Variants in CCDC30 observed in about 807,000 individuals in gnomAD.
The protein encoded by CCDC30 is coiled-coil domain containing 30.
In CCDC30, 70 loss-of-function variants were observed where a neutral mutation model predicts 100.2. The observed-to-expected ratio is 0.70, with a 90% CI of 0.58 to 0.85. The LOEUF is 0.85. CCDC30 is among the 40% of genes least tolerant of loss of function. The probability of loss-of-function intolerance (pLI) is 0.00; values close to 1 mark genes in which losing one functional copy is unlikely to be tolerated. For missense variants in CCDC30, 652 were observed against 771.2 expected, an observed-to-expected ratio of 0.85 and a Z score of 1.83; for synonymous variants, 233 against 269.5, an observed-to-expected ratio of 0.86 and a Z score of 1.33.
At chr1:42,634,757 T>A (rs1431760572) in intron 11 of CCDC30, among the ~76,000 whole-genome samples, 5 of 152,218 alleles carry the variant, frequency 3.3e-5, no homozygotes, top group Non-Finnish European at 5.9e-5. Context: ...TTCAATGGCT[T>A]TTGTCCATGT....
At chr1:42,599,198 TACAC>T (rs1051389369) in intron 10 of CCDC30, among the ~76,000 whole-genome samples, 1 of 152,158 alleles carries the variant, frequency 6.6e-6, no homozygotes, top group Non-Finnish European at 1.5e-5. Flanking sequence ...TAAATATATA[TACAC>T]ACACATACAT....
chr1:42,490,754 GC>G (rs1644125112), intron 4 of CCDC30, among the ~76,000 whole-genome samples: 1 of 152,108 alleles, frequency 6.6e-6, no homozygotes, highest in African/African-American at 2.4e-5. Flanking sequence ...CTGAGTCATG[GC>G]AGAGTTAAGA....
chr1:42,597,918 G>C (rs1646323835), intron 10 of CCDC30, among the ~76,000 whole-genome samples: 1 of 151,960 alleles, frequency 6.6e-6, no homozygotes, highest in African/African-American at 2.4e-5. Flanking sequence ...AGCACTTTGG[G>C]AGGCTGAGGC....
chr1:42,519,644 T>C (rs1429605670), intron 6 of CCDC30, among the ~76,000 whole-genome samples: 2 of 152,146 alleles, frequency 1.3e-5, no homozygotes, highest in East Asian at 1.9e-4. Context: ...CTCCACCTCC[T>C]GGGTTCAAGC....
chr1:42,556,952 A>T (rs943775864), intron 6 of CCDC30, among the ~76,000 whole-genome samples: 1 of 152,204 alleles, frequency 6.6e-6, no homozygotes, highest in Non-Finnish European at 1.5e-5. Flanking sequence ...TTATTATTTT[A>T]ATTATGGCTT....
chr1:42,539,306 C>A, intron 6 of CCDC30: 2 of 1,589,538 alleles, frequency 1.3e-6, no homozygotes, highest in Admixed American at 1.8e-5. Flanking sequence ...GAATTAGAAA[C>A]AAAGGTGAGA....
chr1:42,575,680 AT>A (rs1286236923), intron 7 of CCDC30, among the ~76,000 whole-genome samples: 2 of 150,370 alleles, frequency 1.3e-5, no homozygotes, highest in African/African-American at 4.9e-5. Context: ...ACAAAAAAAC[AT>A]AGTCTCTGCT....
intron 11 of CCDC30, among the ~76,000 whole-genome samples, chr1:42,611,367 T>C (rs1288502409): frequency 6.6e-6 from 1 of 152,188 alleles, no homozygotes; most frequent in Non-Finnish European, 1.5e-5. Context: ...CCTTCTCACT[T>C]GCCTTCACAC....
intron 6 of CCDC30, among the ~76,000 whole-genome samples, chr1:42,505,094 T>G (rs1359272251): frequency 1.3e-5 from 2 of 152,218 alleles, no homozygotes; most frequent in Admixed American, 6.5e-5. Flanking sequence ...TAGTAGAGTG[T>G]GTGTAGCGAT....
At chr1:42,461,338 CA>C (rs1180926359), upstream of CCDC30, among the ~76,000 whole-genome samples, 3 of 152,018 alleles carry the variant, frequency 2.0e-5, no homozygotes, top group African/African-American at 7.2e-5. Flanking sequence ...TCCCTTTGAA[CA>C]AAAAAATTTT....
At chr1:42,654,188 G>T (rs1432125967), downstream of CCDC30, 1 of 613,874 alleles carries the variant, frequency 1.6e-6, no homozygotes, top group Non-Finnish European at 2.9e-6. Flanking sequence ...TTGTAAAAAT[G>T]GATTTCTCAA....
chr1:42,610,937 T>C (rs1488400895), intron 10 of CCDC30, 41 bp from the exon 15 acceptor site: 5 of 1,060,350 alleles, frequency 4.7e-6, no homozygotes, highest in African/African-American at 1.6e-5. Flanking sequence ...CATCATACCT[T>C]TGTCAGGTCA....
At chr1:42,642,428 A>G (rs1647532368) in intron 12 of CCDC30, 45 bp from the exon 17 acceptor site, 4 of 1,409,522 alleles carry the variant, frequency 2.8e-6, no homozygotes, top group Non-Finnish European at 3.7e-6. Context: ...TAAATTTATC[A>G]TACTTTCTCC....
intron 1 of CCDC30, among the ~76,000 whole-genome samples, chr1:42,467,996 T>C (rs1416537595): frequency 6.6e-6 from 1 of 152,200 alleles, no homozygotes; most frequent in East Asian, 1.9e-4. Context: ...GCAGGGAAGC[T>C]CAGAGACAGA....
intron 3 of CCDC30, among the ~76,000 whole-genome samples, chr1:42,489,132 C>G (rs1398196934): frequency 6.6e-6 from 1 of 152,158 alleles, no homozygotes; most frequent in Non-Finnish European, 1.5e-5. Flanking sequence ...ATTTAGAAAA[C>G]TGTTCTTTTA....
At chr1:42,651,961 G>C (rs982987211) in intron 15 of CCDC30, among the ~76,000 whole-genome samples, 1 of 137,058 alleles carries the variant, frequency 7.3e-6, no homozygotes, top group Non-Finnish European at 1.6e-5. Flanking sequence ...ATATAAATTA[G>C]TACAGCAATT....
intron 4 of CCDC30, among the ~76,000 whole-genome samples, chr1:42,495,211 A>G (rs1368607607): frequency 6.6e-6 from 1 of 151,674 alleles, no homozygotes; most frequent in Non-Finnish European, 1.5e-5. Flanking sequence ...TTGTAGGGAC[A>G]TGGATGAAAT....
chr1:42,481,731 C>G (rs1643961310), intron 2 of CCDC30, among the ~76,000 whole-genome samples: 1 of 151,798 alleles, frequency 6.6e-6, no homozygotes, highest in Non-Finnish European at 1.5e-5. Context: ...TGTTTTTGAT[C>G]TAGGGAAATG....
At chr1:42,540,396 G>A (rs1029548516) in intron 6 of CCDC30, among the ~76,000 whole-genome samples, 1 of 152,040 alleles carries the variant, frequency 6.6e-6, no homozygotes, top group African/African-American at 2.4e-5. Context: ...CAGTTAAAGG[G>A]CCAGGCCTTT....
Sources: allele counts gnomAD v4.1 joint callset (sites outside exome capture counted in the v4.1 genomes callset), GRCh38; gene constraint gnomAD v4.1.1; transcripts MANE v1.5; gene names NCBI Gene and HGNC (gene_info 2026-07-23, HGNC 2026-07-21).